The following PTPRN2 variants were observed in gnomAD, a reference collection of about 807,000 sequenced individuals.
PTPRN2 encodes the protein receptor-type tyrosine-protein phosphatase N2.
In PTPRN2, 74 loss-of-function variants were observed where a neutral mutation model predicts 118.8. The ratio of observed to expected loss-of-function variants is 0.62; its 90% CI spans 0.52 to 0.76. PTPRN2 has a LOEUF of 0.76. Ranked by LOEUF, PTPRN2 falls within the 30% of genes least tolerant of loss-of-function variation. The pLI, the probability that PTPRN2 is intolerant of heterozygous loss-of-function variation, is 0.00. For missense variants in PTPRN2, 1,481 were observed against 1,394.4 expected, an observed-to-expected ratio of 1.06 and a Z score of -0.99; for synonymous variants, 641 against 608.0, an observed-to-expected ratio of 1.05 and a Z score of -0.80.
At position 157,621,475 on chromosome 7, in the gene PTPRN2, C is replaced by G. The variant is rs377704440; in HGVS notation, c.2231G>C (p.Arg744Pro). The G allele has an allele frequency of 6.2e-7, 1 of 1,613,884 alleles. No homozygotes were observed. Among genetic ancestry groups the G allele is most frequent in the Admixed American group, 1.7e-5 (1 of 60,024 alleles). Residue 744 changes from arginine (R) to proline (P), a missense_variant, in exon 15 of 23, where the codon CGG (arginine) becomes CCG (proline). Transcript: ENST00000389418. ...CAGCGCTTCCCACTCCTTCTCCAGCCGGTTCTTGTTCTTCAGGTGGTCCTC... is the reference window on the plus strand; with the variant it reads ...CAGCGCTTCCCACTCCTTCTCCAGCGGGTTCTTGTTCTTCAGGTGGTCCTC... The part of the protein sequence containing the change: ...YMEDHLKNKN[R>P]LEKEWEALCA...
intron 2 of PTPRN2, among the ~76,000 whole-genome samples, chr7:158,328,395 G>A (rs117105782): frequency 7.9e-5 from 12 of 152,300 alleles, no homozygotes; most frequent in Non-Finnish European, 1.2e-4. Context: ...ACCCTATATC[G>A]CTGGAAATTC....
At chr7:158,271,348 C>G (rs1025647474) in intron 3 of PTPRN2, among the ~76,000 whole-genome samples, 1 of 152,252 alleles carries the variant, frequency 6.6e-6, no homozygotes, top group Non-Finnish European at 1.5e-5. Flanking sequence ...CGACAATCGG[C>G]AGATCCATAC....
chr7:157,553,528 A>G (rs1026170873), intron 21 of PTPRN2, among the ~76,000 whole-genome samples: 2 of 152,176 alleles, frequency 1.3e-5, no homozygotes, highest in African/African-American at 4.8e-5. Flanking sequence ...ATTTCATGAC[A>G]TCGTGGCTCC....
intron 5 of PTPRN2, among the ~76,000 whole-genome samples, chr7:158,172,835 CCCA>C (rs1030695503): frequency 6.2e-5 from 9 of 145,198 alleles, no homozygotes; most frequent in Non-Finnish European, 4.4e-5. Flanking sequence ...CAGCAGCATC[CCCA>C]CCATCATCAA....
At chr7:158,467,016 G>A (rs1296193199) in intron 2 of PTPRN2, among the ~76,000 whole-genome samples, 2 of 152,218 alleles carry the variant, frequency 1.3e-5, no homozygotes, top group African/African-American at 2.4e-5. Context: ...AGGACAGAGC[G>A]AGACTGTCTC....
chr7:158,576,288 C>A (rs1039646104), intron 1 of PTPRN2, among the ~76,000 whole-genome samples: 3 of 152,236 alleles, frequency 2.0e-5, no homozygotes, highest in African/African-American at 7.2e-5. Flanking sequence ...CGTTTTCAGA[C>A]CACACTCGTT....
chr7:158,258,492 C>T (rs563829291), intron 3 of PTPRN2, among the ~76,000 whole-genome samples: 41 of 152,332 alleles, frequency 2.7e-4, no homozygotes, highest in African/African-American at 9.1e-4. Context: ...TGCTTCTCCA[C>T]GGAGGGAGCT....
chr7:158,356,868 G>A (rs966997142), intron 2 of PTPRN2, among the ~76,000 whole-genome samples: 1 of 152,064 alleles, frequency 6.6e-6, no homozygotes, highest in African/African-American at 2.4e-5. Context: ...TGGACTGACT[G>A]GGAGAAAGCT....
At chr7:158,490,753 AC>A (rs1821388907) in intron 1 of PTPRN2, among the ~76,000 whole-genome samples, 1 of 152,144 alleles carries the variant, frequency 6.6e-6, no homozygotes, top group African/African-American at 2.4e-5. Context: ...CAGCCGACAA[AC>A]GCCTGTTCAT....
intron 2 of PTPRN2, among the ~76,000 whole-genome samples, chr7:158,331,796 C>T (rs1192134036): frequency 2.0e-5 from 3 of 151,110 alleles, no homozygotes; most frequent in African/African-American, 4.9e-5. Context: ...ACAGACATCA[C>T]TCACACCCAC....
intron 2 of PTPRN2, among the ~76,000 whole-genome samples, chr7:158,341,554 GTCACTCACA>G (rs1806799237): frequency 7.7e-5 from 3 of 38,868 alleles, no homozygotes; most frequent in South Asian, 1.4e-3. Flanking sequence ...ATCTGCAGAC[GTCACTCACA>G]CCCACACTCT....
intron 3 of PTPRN2, among the ~76,000 whole-genome samples, chr7:158,211,210 A>G (rs1827572986): frequency 6.6e-6 from 1 of 152,198 alleles, no homozygotes; most frequent in Non-Finnish European, 1.5e-5. Flanking sequence ...ACCTCAAACT[A>G]TGAAACGACT....
chr7:157,818,108 C>T (rs1239597581), intron 12 of PTPRN2, among the ~76,000 whole-genome samples: 1 of 147,570 alleles, frequency 6.8e-6, no homozygotes, highest in African/African-American at 2.5e-5. Context: ...GTTGTGTGTA[C>T]AGTGTGGGTG....
chr7:157,572,198 GTTTT>G (rs966811246), intron 19 of PTPRN2, among the ~76,000 whole-genome samples: 1 of 151,308 alleles, frequency 6.6e-6, no homozygotes, highest in African/African-American at 2.4e-5. Flanking sequence ...AAATCCAGGT[GTTTT>G]TTTTTAATTC....
At chr7:158,196,006 A>T (rs1414912442) in intron 4 of PTPRN2, among the ~76,000 whole-genome samples, 1 of 152,190 alleles carries the variant, frequency 6.6e-6, no homozygotes, top group Admixed American at 6.5e-5. Context: ...AGCAGCAATT[A>T]TCTATGACAA....
intron 2 of PTPRN2, among the ~76,000 whole-genome samples, chr7:158,328,752 TGTCA>T (rs1387802788): frequency 6.8e-6 from 1 of 147,212 alleles, no homozygotes; most frequent in East Asian, 2.0e-4. Context: ...AGAGTGTGGG[TGTCA>T]GTGACATCTG....
intron 1 of PTPRN2, among the ~76,000 whole-genome samples, chr7:158,571,315 A>T (rs915044648): frequency 6.6e-6 from 1 of 151,622 alleles, no homozygotes; most frequent in Admixed American, 6.6e-5. Flanking sequence ...ATCTCTACTT[A>T]AAAAATACAA....
intron 3 of PTPRN2, among the ~76,000 whole-genome samples, chr7:158,234,271 C>CAA (rs146167117): frequency 1.9e-4 from 26 of 134,602 alleles, no homozygotes; most frequent in East Asian, 1.4e-3. Context: ...CACTCAACAG[C>CAA]AAAAAAAAAA....
intron 2 of PTPRN2, among the ~76,000 whole-genome samples, chr7:158,425,996 C>T (rs1461456175): frequency 1.0e-4 from 8 of 77,768 alleles, no homozygotes; most frequent in Admixed American, 2.4e-4. Context: ...GCCTGCGCAC[C>T]GCCGGGAAAG....
Sources: allele counts gnomAD v4.1 joint callset (sites outside exome capture counted in the v4.1 genomes callset), GRCh38; gene constraint gnomAD v4.1.1; transcripts MANE v1.5; gene names NCBI Gene and HGNC (gene_info 2026-07-23, HGNC 2026-07-21).